GPC6: variants seen among roughly 807,000 people sequenced by gnomAD.
GPC6 encodes the protein glypican-6.
GPC6 carries 14 observed loss-of-function variants against 55.2 expected under a neutral mutation model. The ratio of observed to expected loss-of-function variants is 0.25; its 90% CI spans 0.17 to 0.40. The LOEUF (loss-of-function observed/expected upper bound fraction) is 0.40, where lower values mean the gene tolerates loss of function less well. Ranked by LOEUF, GPC6 falls within the 10% of genes least tolerant of loss-of-function variation. The pLI is 1.00. For synonymous variants in GPC6, 278 were observed against 259.6 expected, an observed-to-expected ratio of 1.07 and a Z score of -0.68; for missense variants, 641 against 708.5, an observed-to-expected ratio of 0.90 and a Z score of 1.08.
intron 1 of GPC6, among the ~76,000 whole-genome samples, chr13:93,414,069 G>T (rs1876606185): frequency 6.6e-6 from 1 of 152,140 alleles, no homozygotes; most frequent in African/African-American, 2.4e-5. Context: ...GATGAACAGG[G>T]ACCACATATT....
intron 1 of GPC6, among the ~76,000 whole-genome samples, chr13:93,479,650 G>A (rs1879439312): frequency 6.6e-6 from 1 of 152,056 alleles, no homozygotes; most frequent in Non-Finnish European, 1.5e-5. Flanking sequence ...TTAGCTAGGT[G>A]TGGTGGTATG....
chr13:93,386,675 C>T (rs918524274), intron 1 of GPC6, among the ~76,000 whole-genome samples: 2 of 152,100 alleles, frequency 1.3e-5, no homozygotes, highest in African/African-American at 4.8e-5. Flanking sequence ...TATTATTGCC[C>T]CATGGTTGCT....
At chr13:93,825,982 T>G (rs1594492145) in intron 2 of GPC6, among the ~76,000 whole-genome samples, 2 of 148,974 alleles carry the variant, frequency 1.3e-5, no homozygotes, top group African/African-American at 4.9e-5. Context: ...TGCCTCAGCC[T>G]CCTGAGTAGC....
intron 2 of GPC6, among the ~76,000 whole-genome samples, chr13:93,551,001 C>A (rs1875129707): frequency 6.6e-6 from 1 of 151,974 alleles, no homozygotes; most frequent in African/African-American, 2.4e-5. Context: ...AAGTAGAAGT[C>A]CATTGCAAAG....
chr13:94,378,759 T>C (rs988966104), intron 6 of GPC6, among the ~76,000 whole-genome samples: 6 of 152,216 alleles, frequency 3.9e-5, no homozygotes, highest in Non-Finnish European at 8.8e-5. Context: ...AAAAAAGTAA[T>C]ACTTAAATAT....
chr13:94,259,583 C>A (rs1330963168), intron 4 of GPC6, among the ~76,000 whole-genome samples: 8 of 152,206 alleles, frequency 5.3e-5, no homozygotes, highest in Middle Eastern at 3.4e-3. Context: ...GTTGTGTAAA[C>A]CACCCCTATC....
At chr13:94,051,466 T>C (rs985797560) in intron 4 of GPC6, among the ~76,000 whole-genome samples, 1 of 152,208 alleles carries the variant, frequency 6.6e-6, no homozygotes, top group Non-Finnish European at 1.5e-5. Context: ...TGTTGCTTTT[T>C]GAATTTTCTC....
chr13:93,455,739 C>G (rs573000984), intron 1 of GPC6, among the ~76,000 whole-genome samples: 66 of 152,242 alleles, frequency 4.3e-4, no homozygotes, highest in African/African-American at 1.5e-3. Context: ...GCTGGCCTAA[C>G]AGGCATGTTT....
chr13:94,252,695 G>T (rs1258108868), intron 4 of GPC6, among the ~76,000 whole-genome samples: 1 of 152,026 alleles, frequency 6.6e-6, no homozygotes, highest in Non-Finnish European at 1.5e-5. Flanking sequence ...TAAATTGAAT[G>T]ATGGAATTTC....
intron 2 of GPC6, among the ~76,000 whole-genome samples, chr13:93,729,489 A>G (rs964802120): frequency 1.3e-5 from 2 of 152,166 alleles, no homozygotes; most frequent in Admixed American, 6.5e-5. Flanking sequence ...AACCTCAGTA[A>G]TTGCACCACT....
intron 1 of GPC6, among the ~76,000 whole-genome samples, chr13:93,409,159 G>A (rs1443257103): frequency 6.6e-6 from 1 of 151,302 alleles, no homozygotes; most frequent in Non-Finnish European, 1.5e-5. Flanking sequence ...CTTATGATGA[G>A]TCAGTCCCAT....
At chr13:94,365,323 A>T (rs531721205) in intron 6 of GPC6, among the ~76,000 whole-genome samples, 1 of 152,320 alleles carries the variant, frequency 6.6e-6, no homozygotes, top group Admixed American at 6.5e-5. Context: ...ATTCTTAGAC[A>T]TATTTATTAG....
At chr13:93,568,475 T>C (rs1876246091) in intron 2 of GPC6, among the ~76,000 whole-genome samples, 2 of 152,118 alleles carry the variant, frequency 1.3e-5, no homozygotes, top group Non-Finnish European at 2.9e-5. Context: ...GAGCAATAGA[T>C]GCTGAGGTAG....
chr13:93,411,313 A>G (rs1876485563), intron 1 of GPC6, among the ~76,000 whole-genome samples: 1 of 152,170 alleles, frequency 6.6e-6, no homozygotes, highest in Non-Finnish European at 1.5e-5. Flanking sequence ...CACACAGTGT[A>G]GTCACAAGGA....
intron 1 of GPC6, among the ~76,000 whole-genome samples, chr13:93,501,503 T>C (rs1262905568): frequency 6.6e-6 from 1 of 152,156 alleles, no homozygotes; most frequent in Non-Finnish European, 1.5e-5. Context: ...GACATAAAAA[T>C]GAGTAATAGT....
chr13:94,312,718 A>ACG (rs56025007), intron 6 of GPC6, among the ~76,000 whole-genome samples: 42,311 of 143,390 alleles, frequency 0.3, 7,219 homozygotes, highest in Non-Finnish European at 0.38. Context: ...GCACACGCGC[A>ACG]CGCACACACA....
intron 6 of GPC6, among the ~76,000 whole-genome samples, chr13:94,334,722 G>T (rs1172947444): frequency 6.6e-6 from 1 of 152,176 alleles, no homozygotes. Context: ...TAGAAAATAA[G>T]GATTCAGCCC....
chr13:93,745,943 A>G (rs375823597), intron 2 of GPC6, among the ~76,000 whole-genome samples: 1 of 152,206 alleles, frequency 6.6e-6, no homozygotes, highest in Admixed American at 6.5e-5. Context: ...CATGAAGGAT[A>G]AGAAACAAAT....
At chr13:93,466,271 G>C (rs1384888813) in intron 1 of GPC6, among the ~76,000 whole-genome samples, 1 of 151,976 alleles carries the variant, frequency 6.6e-6, no homozygotes, top group Non-Finnish European at 1.5e-5. Flanking sequence ...AATGAAGCAT[G>C]CCTGTATAAA....
Sources: gnomAD v4.1 joint callset for allele counts (sites outside exome capture counted in the v4.1 genomes callset) on GRCh38, gnomAD v4.1.1 for gene constraint, MANE v1.5 for transcripts, NCBI Gene and HGNC (gene_info 2026-07-23, HGNC 2026-07-21) for gene names.